Variants in MYT1L observed in about 807,000 individuals in gnomAD.
MYT1L encodes myelin transcription factor 1-like protein.
A neutral mutation model predicts 126.7 loss-of-function variants in MYT1L; 12 were observed. The observed-to-expected ratio is 0.09, with a 90% CI of 0.06 to 0.15. The LOEUF is 0.15. Ranked by LOEUF, MYT1L falls within the 10% of genes least tolerant of loss-of-function variation. The pLI, the probability that MYT1L is intolerant of heterozygous loss-of-function variation, is 1.00. For missense variants in MYT1L, 979 were observed against 1,585.2 expected (o/e 0.62, Z 6.49); for synonymous variants, 541 against 604.2 (o/e 0.90, Z 1.53).
chr2:1,985,007 C>T (rs1032001261), intron 5 of MYT1L, among the ~76,000 whole-genome samples: 14 of 152,242 alleles, frequency 9.2e-5, no homozygotes, highest in African/African-American at 3.4e-4. Flanking sequence ...GACCTGCTCT[C>T]CCCTCCCCGA....
At chr2:1,802,234 T>C (rs1044622227) in intron 22 of MYT1L, among the ~76,000 whole-genome samples, 1 of 152,174 alleles carries the variant, frequency 6.6e-6, no homozygotes, top group African/African-American at 2.4e-5. Context: ...GCTCTGCAGG[T>C]ACGTTCACCA....
intron 18 of MYT1L, chr2:1,885,419 G>C (rs2048051188): frequency 6.5e-6 from 1 of 152,686 alleles, no homozygotes; most frequent in African/African-American, 2.4e-5. Context: ...CAAGGGTCTT[G>C]TGGCGAAAGA....
chr2:2,004,668 T>C (rs935126323), intron 4 of MYT1L, among the ~76,000 whole-genome samples: 6 of 147,544 alleles, frequency 4.1e-5, no homozygotes, highest in Non-Finnish European at 9.0e-5. Flanking sequence ...CCTTCTTTCC[T>C]GCGTGCCTTC....
intron 2 of MYT1L, among the ~76,000 whole-genome samples, chr2:2,265,689 T>G (rs145146153): frequency 2.3e-4 from 35 of 152,320 alleles, no homozygotes; most frequent in Middle Eastern, 3.4e-3. Context: ...TTGGTAACAT[T>G]TCCTTGTCTA....
intron 4 of MYT1L, among the ~76,000 whole-genome samples, chr2:2,007,313 C>T (rs1273007956): frequency 6.6e-6 from 1 of 151,758 alleles, no homozygotes; most frequent in African/African-American, 2.4e-5. Flanking sequence ...TGTCCACAAC[C>T]TCACCAACCC....
In MYT1L at chr2:1,931,094, C is replaced by T. The variant is rs978666626; in HGVS notation, c.506-7831G>A. Among the ~76,000 whole-genome samples, 3 of 152,296 alleles carry T rather than the reference C, an allele frequency of 2.0e-5. No individual in the cohort carries two copies. The East Asian group carries it at 5.8e-4, about 29-fold the overall frequency. On this transcript the variant is annotated intron_variant, in intron 9 of 24. Transcript: ENST00000647738. ...CATGTGGGAAAATGGCCTGTCATGG[C>T]CTCGGGTCCTGCTGAGACAGCAGTT...
At chr2:2,120,890 T>C (rs1312286798) in intron 3 of MYT1L, among the ~76,000 whole-genome samples, 1 of 150,840 alleles carries the variant, frequency 6.6e-6, no homozygotes, top group Non-Finnish European at 1.5e-5. Flanking sequence ...GAGTGCGCAC[T>C]GTGTGGTGGG....
At chr2:1,865,061 GT>G (rs967014007) in intron 18 of MYT1L, among the ~76,000 whole-genome samples, 3 of 152,210 alleles carry the variant, frequency 2.0e-5, no homozygotes, top group African/African-American at 7.2e-5. Flanking sequence ...AGGTGCTCTT[GT>G]GGGGAGGCGG....
intron 18 of MYT1L, among the ~76,000 whole-genome samples, chr2:1,859,928 A>C: frequency 6.6e-6 from 1 of 152,178 alleles, no homozygotes; most frequent in South Asian, 2.1e-4. Flanking sequence ...TTTTCTGGGG[A>C]TTCTCTCGCT....
Position 1,887,719 on chromosome 2 carries a change from C to A in MYT1L, c.2521-110G>T, listed in dbSNP as rs921632491. Reference sequence around the variant, plus strand: ...CCTCTACATCTTACACCTCTTTCTGCTGTACCTTTAAGATCCTTTTGGTCC... The same window carrying A: ...CCTCTACATCTTACACCTCTTTCTGATGTACCTTTAAGATCCTTTTGGTCC... On this transcript the variant is annotated intron_variant, in intron 16 of 24. Transcript: ENST00000647738. The surrounding 1 kb of genome is among the most constrained non-coding windows in gnomAD (Gnocchi z 4.8). 4 of 1,304,778 alleles carry A rather than the reference C, an allele frequency of 3.1e-6. No homozygotes were observed. The African/African-American group carries it at 4.4e-5, about 14-fold the overall frequency. The allele number at this position is 1,304,778 out of a possible 1,614,324, so 80.8% of individuals were successfully genotyped here.
intron 3 of MYT1L, among the ~76,000 whole-genome samples, chr2:2,160,906 T>C (rs2087770685): frequency 6.6e-6 from 1 of 152,118 alleles, no homozygotes; most frequent in South Asian, 2.1e-4. Flanking sequence ...CTGTGGATCT[T>C]ATTTAGATTC....
At chr2:2,320,187 C>T (rs1288685971) in intron 1 of MYT1L, among the ~76,000 whole-genome samples, 2 of 151,920 alleles carry the variant, frequency 1.3e-5, no homozygotes, top group African/African-American at 2.4e-5. Context: ...AGACATAGTC[C>T]CCTGATCTTG....
chr2:2,200,200 C>T (rs1461073424), intron 2 of MYT1L, among the ~76,000 whole-genome samples: 1 of 152,052 alleles, frequency 6.6e-6, no homozygotes, highest in African/African-American at 2.4e-5. Context: ...AATTTAGGTA[C>T]TTGGTGGGGG....
chr2:2,169,734 C>A (rs1462869959), intron 3 of MYT1L, among the ~76,000 whole-genome samples: 1 of 152,100 alleles, frequency 6.6e-6, no homozygotes, highest in Non-Finnish European at 1.5e-5. Context: ...GTGGCCTGGT[C>A]CTGTCAAGTG....
At chr2:2,226,788 G>C (rs1277281936) in intron 2 of MYT1L, among the ~76,000 whole-genome samples, 1 of 152,104 alleles carries the variant, frequency 6.6e-6, no homozygotes, top group African/African-American at 2.4e-5. Flanking sequence ...CTGTAATTGG[G>C]TCTCATTTTC....
At chr2:1,946,990 C>G (rs1220917929) in intron 8 of MYT1L, among the ~76,000 whole-genome samples, 1 of 152,168 alleles carries the variant, frequency 6.6e-6, no homozygotes, top group Non-Finnish European at 1.5e-5. Flanking sequence ...CTTGGTGTCG[C>G]GGGTCATAAT....
Position 1,849,511 on chromosome 2 carries a change from C to A in MYT1L, c.2774+2130G>T, listed in dbSNP as rs377242962. Among the ~76,000 whole-genome samples, 428 of 152,344 alleles carry A rather than the reference C, an allele frequency of 2.8e-3. 6 individuals are homozygous for A. In the South Asian group the frequency reaches 0.035, roughly 12 times the overall value. On this transcript the variant is annotated intron_variant, in intron 19 of 24. Coordinates refer to ENST00000647738, the MANE Select transcript of MYT1L (RefSeq NM_001303052.2). ...GCCCTGGGTCTGTGGCAGTGGTCCCCCCAGGGGACACTCAGCAGTGACTGC... is the reference window on the plus strand; with the variant it reads ...GCCCTGGGTCTGTGGCAGTGGTCCCACCAGGGGACACTCAGCAGTGACTGC...
intron 2 of MYT1L, among the ~76,000 whole-genome samples, chr2:2,232,698 T>C (rs17039421): frequency 0.078 from 11,910 of 152,228 alleles, 686 homozygotes; most frequent in South Asian, 0.2. Context: ...GCTTTAGGGA[T>C]GGTTGGACAC....
At chr2:1,950,558 C>A (rs1417211242) in intron 8 of MYT1L, among the ~76,000 whole-genome samples, 3 of 151,338 alleles carry the variant, frequency 2.0e-5, no homozygotes, top group Non-Finnish European at 4.4e-5. Flanking sequence ...CAGACAGTTA[C>A]CCTGCCAGAG....
Sources: gnomAD v4.1 joint callset for allele counts (sites outside exome capture counted in the v4.1 genomes callset) on GRCh38, gnomAD v4.1.1 for gene constraint, Gnocchi (gnomAD v3.1) non-coding constraint, MANE v1.5 for transcripts, NCBI Gene and HGNC (gene_info 2026-07-23, HGNC 2026-07-21) for gene names.